The following DENND1B variants were observed in gnomAD, a reference collection of about 807,000 sequenced individuals.
DENND1B encodes the protein DENN domain-containing protein 1B.
In DENND1B, 59 loss-of-function variants were observed where a neutral mutation model predicts 90.1. The ratio of observed to expected loss-of-function variants is 0.65; its 90% confidence interval spans 0.53 to 0.81. The LOEUF is 0.81. Among genes scored for constraint, DENND1B ranks in the 40% least tolerant of loss-of-function variants. The pLI is 0.00. For missense variants in DENND1B, 862 were observed against 912.6 expected, an observed-to-expected ratio of 0.94 and a Z score of 0.71; for synonymous variants, 337 against 324.6, an observed-to-expected ratio of 1.04 and a Z score of -0.41.
chr1:197,695,954 T>A lies in DENND1B; in HGVS notation c.126+19077A>T, dbSNP rs11804259. On this transcript the variant is annotated intron_variant, in intron 3 of 22. Coordinates refer to ENST00000620048, the MANE Select transcript of DENND1B (RefSeq NM_001195215.2). ...ACCTTTTAAATAATACAAAATTTTT[T>A]AAATTATGAATGTATAAAAAAATTG... is the stretch of plus-strand genomic sequence containing the variant. Among the ~76,000 whole-genome samples the A allele has an allele frequency of 5.8e-3, 882 of 151,534 alleles. 9 individuals are homozygous for A. Among genetic ancestry groups the A allele is most frequent in the African/African-American group, 0.02 (809 of 41,486 alleles).
chr1:197,594,791 C>CA (rs970280530), intron 14 of DENND1B, among the ~76,000 whole-genome samples: 1 of 152,110 alleles, frequency 6.6e-6, no homozygotes, highest in African/African-American at 2.4e-5. Flanking sequence ...GTAAAACCTT[C>CA]AAGTTCTATT....
chr1:197,630,484 T>C (rs1679230015), intron 10 of DENND1B, among the ~76,000 whole-genome samples: 1 of 152,150 alleles, frequency 6.6e-6, no homozygotes, highest in African/African-American at 2.4e-5. Context: ...GCCCTAACTC[T>C]TAATACTATC....
chr1:197,638,212 T>C (rs930955264), intron 10 of DENND1B, among the ~76,000 whole-genome samples: 1 of 152,248 alleles, frequency 6.6e-6, no homozygotes, highest in African/African-American at 2.4e-5. Context: ...TTTATTAACG[T>C]AATTCCAGTA....
At chr1:197,671,903 A>G (rs1655545759) in intron 5 of DENND1B, 134 bp downstream of exon 5, 1 of 909,536 alleles carries the variant, frequency 1.1e-6, no homozygotes, top group Non-Finnish European at 1.6e-6. Context: ...GATTCTGTAT[A>G]CAGAAAATCA....
At chr1:197,563,489 A>G (rs1302042436) in intron 15 of DENND1B, among the ~76,000 whole-genome samples, 1 of 152,008 alleles carries the variant, frequency 6.6e-6, no homozygotes, top group African/African-American at 2.4e-5. Flanking sequence ...TGTTTTACTG[A>G]ACATTCTAAG....
Position 197,540,998 on chromosome 1 carries a change from C to T in DENND1B, c.1368G>A (p.Lys456=), listed in dbSNP as rs772166947. 2 of 1,612,612 alleles carry T rather than the reference C, an allele frequency of 1.2e-6. No individual in the cohort carries two copies. The highest frequency in any genetic ancestry group is 2.2e-5 in the East Asian group (1 of 44,652). Residue 456 remains lysine, a synonymous_variant, in exon 19 of 23, where the codon AAG becomes AAA. Coordinates refer to ENST00000620048, the MANE Select transcript of DENND1B (RefSeq NM_001195215.2). ...TACTCTTCACTTCCTTTAGTCCCAG[C>T]TTTGCATGATTTTTTGCCTAGAAAA... is the stretch of plus-strand genomic sequence containing the variant. ...TAYKFAKNHA[K]LGLKEVKSKL...
chr1:197,549,503 A>G (rs1160895977), intron 16 of DENND1B, among the ~76,000 whole-genome samples: 1 of 152,172 alleles, frequency 6.6e-6, no homozygotes, highest in Middle Eastern at 3.2e-3. Context: ...TGAATCTGAA[A>G]ATATTTCTCC....
Position 197,775,101 on chromosome 1 carries a change from G to A in DENND1B, c.17+38C>T, listed in dbSNP as rs1032829442. The A allele has an allele frequency of 3.9e-5, 48 of 1,236,812 alleles. No individual in the cohort carries two copies. In the African/African-American group the frequency reaches 5.7e-4, roughly 15 times the overall value. 76.6% of individuals were successfully genotyped at this position (1,236,812 alleles called of 1,614,324 possible). On this transcript the variant is annotated intron_variant, in intron 1 of 22. Transcript: ENST00000620048. ...GCTGGCCTGGGAGGGGCCGCCGAGG[G>A]ACGCCCGCCCCCGACGCGCCCGGGC...
At chr1:197,544,989 A>G (rs1420484952) in intron 18 of DENND1B, among the ~76,000 whole-genome samples, 99 of 132,634 alleles carry the variant, frequency 7.5e-4, no homozygotes, top group South Asian at 1.6e-3. Context: ...GAAGGGGAAG[A>G]AGGAAGAAGG....
intron 12 of DENND1B, among the ~76,000 whole-genome samples, chr1:197,608,978 A>T (rs1359768641): frequency 3.3e-5 from 5 of 150,404 alleles, no homozygotes; most frequent in East Asian, 3.9e-4. Context: ...AGTGTAACAA[A>T]TTTTTTTAAA....
intron 13 of DENND1B, among the ~76,000 whole-genome samples, chr1:197,598,124 A>G: frequency 6.6e-6 from 1 of 151,834 alleles, no homozygotes; most frequent in African/African-American, 2.4e-5. Context: ...CAGATTTTAA[A>G]CTAAAATTGC....
intron 20 of DENND1B, among the ~76,000 whole-genome samples, 185 bp downstream of exon 20, chr1:197,539,779 T>C (rs149902024): frequency 2.6e-5 from 4 of 152,316 alleles, no homozygotes; most frequent in African/African-American, 9.6e-5. Flanking sequence ...GAGACCGATA[T>C]CTGAAACATT....
chr1:197,507,193 T>C lies in DENND1B; in HGVS notation c.*3267A>G, dbSNP rs1476170449. ...ATTATTATTATTATTATTATTATTATTTTAATAAAAATTTGCAATTCCTTT... is the reference window on the plus strand; with the variant it reads ...ATTATTATTATTATTATTATTATTACTTTAATAAAAATTTGCAATTCCTTT... On this transcript the variant is annotated 3_prime_UTR_variant, in exon 23 of 23. Transcript: ENST00000620048. 2 of 131,712 alleles carry C rather than the reference T, an allele frequency of 1.5e-5. No individual in the cohort carries two copies. Among genetic ancestry groups the C allele is most frequent in the East Asian group, 4.5e-4 (2 of 4,464 alleles). 8.2% of individuals were successfully genotyped at this position (131,712 alleles called of 1,614,324 possible). A position where few individuals can be genotyped will look rare whatever the true frequency, so the allele number is the denominator to read the frequency against.
chr1:197,512,982 C>T (rs544309906), intron 20 of DENND1B, 29 bp from the exon 21 acceptor site: 2 of 1,575,086 alleles, frequency 1.3e-6, no homozygotes, highest in South Asian at 2.3e-5. Context: ...AATAAATTGG[C>T]ATTAGCAGTT....
At chr1:197,576,190 A>G (rs1160008433) in intron 15 of DENND1B, among the ~76,000 whole-genome samples, 1 of 152,244 alleles carries the variant, frequency 6.6e-6, no homozygotes, top group Admixed American at 6.5e-5. Flanking sequence ...AATGACAGGA[A>G]GCATATTAAT....
intron 3 of DENND1B, among the ~76,000 whole-genome samples, chr1:197,678,091 T>C (rs1257733478): frequency 6.6e-6 from 1 of 152,198 alleles, no homozygotes; most frequent in Non-Finnish European, 1.5e-5. Context: ...AAGCCACTCC[T>C]AAACTAATCC....
At chr1:197,547,976 C>T (rs1670940473) in intron 16 of DENND1B, among the ~76,000 whole-genome samples, 1 of 152,160 alleles carries the variant, frequency 6.6e-6, no homozygotes, top group Admixed American at 6.5e-5. Flanking sequence ...TTATTATTCA[C>T]AGTATTCTGG....
At chr1:197,691,520 T>A (rs1657879059) in intron 3 of DENND1B, among the ~76,000 whole-genome samples, 1 of 152,000 alleles carries the variant, frequency 6.6e-6, no homozygotes, top group Non-Finnish European at 1.5e-5. Flanking sequence ...TTGGTGGGAA[T>A]ATCAAATGCT....
chr1:197,516,147 C>T (rs1318338453), intron 20 of DENND1B, among the ~76,000 whole-genome samples: 1 of 151,798 alleles, frequency 6.6e-6, no homozygotes, highest in African/African-American at 2.4e-5. Context: ...TTTAACACTA[C>T]AATTAAATTA....
Sources: gnomAD v4.1 joint callset for allele counts (sites outside exome capture counted in the v4.1 genomes callset) on GRCh38, gnomAD v4.1.1 for gene constraint, MANE v1.5 for transcripts, NCBI Gene and HGNC (gene_info 2026-07-23, HGNC 2026-07-21) for gene names.